Variants in ASAP1 observed in about 807,000 individuals in gnomAD.
ASAP1 encodes arf-GAP with SH3 domain, ANK repeat and PH domain-containing protein 1.
In ASAP1, 43 loss-of-function variants were observed where a neutral mutation model predicts 145.2. The ratio of observed to expected loss-of-function variants is 0.30; its 90% confidence interval spans 0.23 to 0.38. The LOEUF (loss-of-function observed/expected upper bound fraction) is 0.38, where lower values mean the gene tolerates loss of function less well. Ranked by LOEUF, ASAP1 falls within the 10% of genes least tolerant of loss-of-function variation. ASAP1 has a pLI of 1.00. For synonymous variants in ASAP1, 546 were observed against 515.5 expected (o/e 1.06, Z -0.80); for missense variants, 1,018 against 1,355.3 (o/e 0.75, Z 3.91).
intron 3 of ASAP1, among the ~76,000 whole-genome samples, chr8:130,354,054 A>AT (rs200814119): frequency 9.3e-5 from 14 of 151,140 alleles, no homozygotes; most frequent in East Asian, 1.9e-4. Flanking sequence ...CGCCCAGCTA[A>AT]TTTTTTTTTG....
chr8:130,389,684 C>A (rs1565274449), intron 2 of ASAP1, among the ~76,000 whole-genome samples: 1 of 152,112 alleles, frequency 6.6e-6, no homozygotes, highest in African/African-American at 2.4e-5. Context: ...ACACTGAGCT[C>A]TTTAGCTTTC....
At chr8:130,141,674 G>GTCAT in intron 13 of ASAP1, among the ~76,000 whole-genome samples, 1 of 152,198 alleles carries the variant, frequency 6.6e-6, no homozygotes, top group Middle Eastern at 3.4e-3. Flanking sequence ...AGCCTTCCCA[G>GTCAT]TAACTGGCAC....
intron 9 of ASAP1, among the ~76,000 whole-genome samples, chr8:130,169,952 T>C (rs1242971488): frequency 6.6e-6 from 1 of 152,196 alleles, no homozygotes; most frequent in Non-Finnish European, 1.5e-5. Flanking sequence ...CAGTCTCTGA[T>C]ATCAGTTTAG....
chr8:130,269,583 T>C (rs1820468002), intron 3 of ASAP1, among the ~76,000 whole-genome samples: 1 of 152,126 alleles, frequency 6.6e-6, no homozygotes, highest in African/African-American at 2.4e-5. Context: ...ACTGACAGAG[T>C]GGTCATCTCA....
chr8:130,116,748 G>A lies in ASAP1; in HGVS notation c.1997-3C>T. The A allele has an allele frequency of 6.2e-7, 1 of 1,613,642 alleles. No individual in the cohort carries two copies. The highest frequency in any genetic ancestry group is 2.2e-5 in the East Asian group (1 of 44,856). On this transcript the variant is annotated splice_polypyrimidine_tract_variant and splice_region_variant and intron_variant, in intron 21 of 29. Transcript: ENST00000518721. The stretch of plus-strand genomic sequence containing the variant: ...GGCAGTTTCTCCAGCCTGGTTAACT[G>A]AAATAGGAAAAAAATTAATTTGCAT...
At chr8:130,081,323 G>A (rs1011362223) in intron 25 of ASAP1, among the ~76,000 whole-genome samples, 2 of 152,154 alleles carry the variant, frequency 1.3e-5, no homozygotes, top group African/African-American at 2.4e-5. Context: ...ATTTTGTGGT[G>A]GGCAGAGTGC....
chr8:130,069,081 T>C (rs990064202), intron 27 of ASAP1, among the ~76,000 whole-genome samples: 1 of 152,100 alleles, frequency 6.6e-6, no homozygotes, highest in African/African-American at 2.4e-5. Flanking sequence ...AATTTTAAAA[T>C]GGTTATTAAC....
intron 3 of ASAP1, among the ~76,000 whole-genome samples, chr8:130,343,836 G>A (rs1218987311): frequency 3.3e-5 from 5 of 152,162 alleles, no homozygotes; most frequent in South Asian, 4.1e-4. Flanking sequence ...AAATATTATT[G>A]AAGACTTTTT....
chr8:130,318,430 A>T (rs182433304), intron 3 of ASAP1, among the ~76,000 whole-genome samples: 1 of 152,346 alleles, frequency 6.6e-6, no homozygotes, highest in Non-Finnish European at 1.5e-5. Context: ...AGTTAGACAG[A>T]GCTACAAGGA....
chr8:130,207,167 A>G (rs939700215), intron 5 of ASAP1, among the ~76,000 whole-genome samples: 1 of 152,140 alleles, frequency 6.6e-6, no homozygotes, highest in African/African-American at 2.4e-5. Context: ...AGGGGCACTC[A>G]AAGTGGAAGG....
At chr8:130,379,987 C>T (rs1827690613) in intron 2 of ASAP1, among the ~76,000 whole-genome samples, 1 of 152,182 alleles carries the variant, frequency 6.6e-6, no homozygotes, top group Non-Finnish European at 1.5e-5. Context: ...CCTGCGACCT[C>T]ACCCTACTCC....
chr8:130,356,773 T>C (rs1199175056), intron 3 of ASAP1, among the ~76,000 whole-genome samples: 1 of 152,188 alleles, frequency 6.6e-6, no homozygotes, highest in African/African-American at 2.4e-5. Context: ...CCTCTACTTC[T>C]GAATCCCAGT....
chr8:130,223,739 C>T (rs528609546), intron 4 of ASAP1, among the ~76,000 whole-genome samples: 2 of 152,164 alleles, frequency 1.3e-5, no homozygotes, highest in African/African-American at 4.8e-5. Context: ...TCCCACACTC[C>T]AGAGTCTCAC....
At chr8:130,192,966 CA>C (rs988998648) in intron 5 of ASAP1, among the ~76,000 whole-genome samples, 2 of 151,198 alleles carry the variant, frequency 1.3e-5, no homozygotes, top group African/African-American at 4.9e-5. Context: ...AAACAACAGC[CA>C]AAAAAAACGA....
intron 1 of ASAP1, among the ~76,000 whole-genome samples, chr8:130,434,867 T>C (rs1330980171): frequency 1.3e-5 from 2 of 152,096 alleles, no homozygotes; most frequent in East Asian, 1.9e-4. Flanking sequence ...GCCCAAATAC[T>C]GACCATACAC....
In ASAP1 at chr8:130,278,136, C is replaced by T. The variant is rs1037243162; in HGVS notation, c.187-41142G>A. 2.6e-5 allele frequency among the ~76,000 whole-genome samples: 4 copies of T among 151,596 alleles called. No homozygotes were observed. In the South Asian group the frequency reaches 8.3e-4, roughly 32 times the overall value. On this transcript the variant is annotated intron_variant, in intron 3 of 29. Coordinates refer to ENST00000518721, the MANE Select transcript of ASAP1 (RefSeq NM_018482.4). ...TAAATTAGTACCAATATCCCTCAAA[C>T]CATGAGTTCTTTAACTCTCTATGAT...
intron 4 of ASAP1, among the ~76,000 whole-genome samples, chr8:130,230,306 T>C (rs1817837290): frequency 6.6e-6 from 1 of 152,110 alleles, no homozygotes; most frequent in Non-Finnish European, 1.5e-5. Flanking sequence ...ACACAGTGAA[T>C]AGCTTCTAAT....
intron 3 of ASAP1, among the ~76,000 whole-genome samples, chr8:130,354,566 T>C (rs1363107411): frequency 6.6e-6 from 1 of 152,174 alleles, no homozygotes; most frequent in East Asian, 1.9e-4. Context: ...GTCACAGCAG[T>C]CCTAAAATGC....
At chr8:130,195,971 T>A (rs1475683584) in intron 5 of ASAP1, among the ~76,000 whole-genome samples, 1 of 152,252 alleles carries the variant, frequency 6.6e-6, no homozygotes, top group East Asian at 1.9e-4. Context: ...CTTTCTTCAC[T>A]AGAAGGTTTG....
Sources: gnomAD v4.1 joint callset for allele counts (sites outside exome capture counted in the v4.1 genomes callset) on GRCh38, gnomAD v4.1.1 for gene constraint, MANE v1.5 for transcripts, NCBI Gene and HGNC (gene_info 2026-07-23, HGNC 2026-07-21) for gene names.